SLC35A3: variants seen among roughly 807,000 people sequenced by gnomAD.
The protein encoded by SLC35A3 is solute carrier family 35 member A3.
Under a neutral mutation model 39.0 loss-of-function variants are expected in SLC35A3, and 26 were observed. The ratio of observed to expected loss-of-function variants is 0.67; its 90% CI spans 0.49 to 0.92. The LOEUF (loss-of-function observed/expected upper bound fraction) is 0.92. SLC35A3 is among the 40% of genes least tolerant of loss of function. SLC35A3 has a pLI of 0.00. For missense variants in SLC35A3, 299 were observed against 371.6 expected, an observed-to-expected ratio of 0.80 and a Z score of 1.61; for synonymous variants, 135 against 133.1, an observed-to-expected ratio of 1.01 and a Z score of -0.10.
chr1:99,988,830 A>G (rs112582855), intron 1 of SLC35A3, among the ~76,000 whole-genome samples: 2 of 151,920 alleles, frequency 1.3e-5, no homozygotes, highest in African/African-American at 4.8e-5. Context: ...CAGCAGTTCA[A>G]TTGTAGCTCA....
chr1:99,986,006 T>C (rs1657721173), intron 1 of SLC35A3, among the ~76,000 whole-genome samples: 1 of 152,164 alleles, frequency 6.6e-6, no homozygotes, highest in African/African-American at 2.4e-5. Context: ...TACAATCATA[T>C]TATCAGCAAA....
intron 1 of SLC35A3, chr1:99,993,121 G>A (rs1263795969): frequency 6.5e-6 from 1 of 153,548 alleles, no homozygotes; most frequent in African/African-American, 2.4e-5. Flanking sequence ...TGGGGCTTTT[G>A]TTGTTGTTTT....
At chr1:99,986,844 T>A (rs1657768287) in intron 1 of SLC35A3, among the ~76,000 whole-genome samples, 2 of 152,210 alleles carry the variant, frequency 1.3e-5, no homozygotes, top group Non-Finnish European at 2.9e-5. Context: ...CACCTGGGCC[T>A]ACCAAAGTGC....
intron 1 of SLC35A3, among the ~76,000 whole-genome samples, chr1:99,986,477 G>T (rs536871417): frequency 3.6e-4 from 55 of 152,012 alleles, no homozygotes; most frequent in Middle Eastern, 3.4e-3. Context: ...TAAATAAAGA[G>T]CATTAATAAT....
chr1:99,990,086 TC>T (rs1399725715), intron 1 of SLC35A3, among the ~76,000 whole-genome samples: 3 of 152,314 alleles, frequency 2.0e-5, no homozygotes, highest in Middle Eastern at 3.4e-3. Context: ...GTCCAGTTTA[TC>T]CATTTTTTTC....
chr1:100,016,655 G>T (rs1251079899), intron 6 of SLC35A3, among the ~76,000 whole-genome samples: 1 of 152,144 alleles, frequency 6.6e-6, no homozygotes, highest in Non-Finnish European at 1.5e-5. Flanking sequence ...TTACAGGCGT[G>T]AGCCACCTCG....
At chr1:100,021,452 C>T (rs1450651704) in intron 7 of SLC35A3, among the ~76,000 whole-genome samples, 2 of 152,086 alleles carry the variant, frequency 1.3e-5, no homozygotes, top group African/African-American at 4.8e-5. Context: ...TGAGGCAGAT[C>T]ACTTGAGCCC....
rs1206654444 is a variant in SLC35A3 at position 100,033,400 on chromosome 1, G to A, written c.*10924G>A. 2 of 147,810 alleles carry A rather than the reference G, an allele frequency of 1.4e-5. No homozygotes were observed. Among genetic ancestry groups the A allele is most frequent in the Non-Finnish European group, 3.0e-5 (2 of 65,938 alleles). The allele number at this position is 147,810 out of a possible 1,614,324, so 9.2% of individuals were successfully genotyped here. A position where few individuals can be genotyped will look rare whatever the true frequency, so the allele number is the denominator to read the frequency against. ...CTCCATTCCTAACCATCTCTTATAA[G>A]TAATTATTATCCATCTCTTATAAGT... On this transcript the variant is annotated 3_prime_UTR_variant, in exon 8 of 8. Coordinates refer to ENST00000533028, the MANE Select transcript of SLC35A3 (RefSeq NM_012243.3).
intron 1 of SLC35A3, among the ~76,000 whole-genome samples, chr1:99,986,982 A>G (rs1657780838): frequency 6.6e-6 from 1 of 152,242 alleles, no homozygotes; most frequent in African/African-American, 2.4e-5. Flanking sequence ...CCTTGAACAG[A>G]TATGAAATCA....
At position 100,017,690 on chromosome 1, in the gene SLC35A3, A is replaced by T. The variant is rs2101455378; in HGVS notation, c.762A>T (p.Gly254=). Reference sequence around the variant, plus strand: ...TTTTTTTAAAACTTCAGGCACTTGGAGGCCTTGTAATAGCTGCTGTTATTA... The same window carrying T: ...TTTTTTTAAAACTTCAGGCACTTGGTGGCCTTGTAATAGCTGCTGTTATTA... ...TWIVVVLQAL[G]GLVIAAVIKY... Residue 254 remains glycine, a synonymous_variant, in exon 7 of 8, where the codon GGA becomes GGT. Transcript: ENST00000533028. 6.5e-7 allele frequency: 1 copy of T among 1,546,170 alleles called. No homozygotes were observed. Among genetic ancestry groups the T allele is most frequent in the Non-Finnish European group, 8.7e-7 (1 of 1,147,520 alleles).
At position 100,015,318 on chromosome 1, in the gene SLC35A3, A is replaced by T; in HGVS notation, c.651A>T (p.Ile217=). Residue 217 remains isoleucine, a synonymous_variant, in exon 6 of 8, where the codon ATA becomes ATT. Coordinates refer to ENST00000533028, the MANE Select transcript of SLC35A3 (RefSeq NM_012243.3). ...TTTTTTTAGGTTTCTTTGGAAGTATATTTGGATTAATGGGTGTATACATTT... is the reference window on the plus strand; with the variant it reads ...TTTTTTTAGGTTTCTTTGGAAGTATTTTTGGATTAATGGGTGTATACATTT... ...RNIQLGFFGS[I]FGLMGVYIYD... The T allele has an allele frequency of 6.2e-7, 1 of 1,606,790 alleles. No homozygotes were observed. Among genetic ancestry groups the T allele is most frequent in the Non-Finnish European group, 8.5e-7 (1 of 1,177,342 alleles).
At chr1:100,002,258 G>A (rs1658864183) in intron 3 of SLC35A3, among the ~76,000 whole-genome samples, 1 of 152,100 alleles carries the variant, frequency 6.6e-6, no homozygotes, top group African/African-American at 2.4e-5. Flanking sequence ...CTTTTCTTTT[G>A]TGGGAGGCTT....
At position 100,033,024 on chromosome 1, in the gene SLC35A3, C is replaced by T. The variant is rs911768247; in HGVS notation, c.*10548C>T. 11 of 152,096 alleles carry T rather than the reference C, an allele frequency of 7.2e-5. No individual in the cohort carries two copies. Among genetic ancestry groups the T allele is most frequent in the Admixed American group, 1.3e-4 (2 of 15,258 alleles). 9.4% of individuals were successfully genotyped at this position (152,096 alleles called of 1,614,324 possible). ...ATTTATTTAATTTTTTCTTTGGAGT[C>T]CTTCTAGCCAGTGAATGGAATTTAT... On this transcript the variant is annotated 3_prime_UTR_variant, in exon 8 of 8. Transcript: ENST00000533028.
intron 3 of SLC35A3, among the ~76,000 whole-genome samples, chr1:100,001,490 T>C (rs1271097233): frequency 6.6e-6 from 1 of 152,112 alleles, no homozygotes; most frequent in Non-Finnish European, 1.5e-5. Flanking sequence ...TCTTTATTTC[T>C]TTTTCAGCTA....
chr1:100,017,638 A>C, intron 6 of SLC35A3, 44 bp from the exon 7 acceptor site: 13 of 1,312,994 alleles, frequency 9.9e-6, no homozygotes, highest in Non-Finnish European at 1.3e-5. Flanking sequence ...TTTGAAATGC[A>C]GTTTTACATG....
chr1:99,977,713 G>C (rs1206202621), intron 1 of SLC35A3, among the ~76,000 whole-genome samples: 1 of 152,160 alleles, frequency 6.6e-6, no homozygotes, highest in Non-Finnish European at 1.5e-5. Context: ...ATTTTTTAAA[G>C]TTTGTTGTAA....
chr1:99,980,672 A>G (rs1230607504), intron 1 of SLC35A3, among the ~76,000 whole-genome samples: 3 of 152,226 alleles, frequency 2.0e-5, no homozygotes, highest in Non-Finnish European at 2.9e-5. Context: ...ACCTTGAGGA[A>G]GAAAGAAAAG....
intron 6 of SLC35A3, among the ~76,000 whole-genome samples, chr1:100,016,018 G>C (rs1189148369): frequency 6.6e-6 from 1 of 151,724 alleles, no homozygotes; most frequent in Non-Finnish European, 1.5e-5. Context: ...GGAAGGTGAA[G>C]ATGGCAAAGG....
At chr1:100,015,223 T>G (rs1660013666) in intron 5 of SLC35A3, 79 bp from the exon 6 acceptor site, 3 of 1,291,766 alleles carry the variant, frequency 2.3e-6, no homozygotes, top group Non-Finnish European at 3.0e-6. Flanking sequence ...AGTGTAAAAT[T>G]ATTTGGAATG....
Sources: allele counts gnomAD v4.1 joint callset (sites outside exome capture counted in the v4.1 genomes callset), GRCh38; gene constraint gnomAD v4.1.1; transcripts MANE v1.5; gene names NCBI Gene and HGNC (gene_info 2026-07-23, HGNC 2026-07-21).